The following FAM13B variants were observed in gnomAD, a reference collection of about 807,000 sequenced individuals.
The protein encoded by FAM13B is family with sequence similarity 13 member B, also known as protein FAM13B.
Under a neutral mutation model 117.3 loss-of-function variants are expected in FAM13B, and 60 were observed. The ratio of observed to expected loss-of-function variants is 0.51; its 90% CI spans 0.42 to 0.63. The LOEUF (loss-of-function observed/expected upper bound fraction) is 0.63, where lower values mean the gene tolerates loss of function less well. FAM13B is among the 30% of genes least tolerant of loss of function. FAM13B has a pLI of 0.00. For missense variants in FAM13B, 972 were observed against 1,091.9 expected (o/e 0.89, Z 1.55); for synonymous variants, 332 against 356.1 (o/e 0.93, Z 0.76).
intron 7 of FAM13B, among the ~76,000 whole-genome samples, chr5:137,989,242 C>T (rs1034968762): frequency 6.6e-6 from 1 of 152,172 alleles, no homozygotes; most frequent in Non-Finnish European, 1.5e-5. Context: ...AAATGCAGAA[C>T]AAACGCTATG....
chr5:138,018,286 T>C lies in FAM13B; in HGVS notation c.370+16A>G. 1 of 1,594,042 alleles carries C rather than the reference T, an allele frequency of 6.3e-7. No homozygotes were observed. The highest frequency in any genetic ancestry group is 8.6e-7 in the Non-Finnish European group (1 of 1,162,078). On this transcript the variant is annotated intron_variant, in intron 4 of 23. Transcript: ENST00000689681. Reference sequence around the variant, plus strand: ...TAACAACAAATGACCAATTGATAAGTATCAAATTATGTTACCTTGAGAAAG... The same window carrying C: ...TAACAACAAATGACCAATTGATAAGCATCAAATTATGTTACCTTGAGAAAG...
chr5:138,024,136 GT>G (rs1442859777), intron 1 of FAM13B, among the ~76,000 whole-genome samples: 1 of 151,918 alleles, frequency 6.6e-6, no homozygotes, highest in Non-Finnish European at 1.5e-5. Flanking sequence ...GTTGAATAGT[GT>G]CCCCCCCAAA....
At chr5:138,006,355 C>T (rs74697713) in intron 7 of FAM13B, among the ~76,000 whole-genome samples, 1,977 of 152,248 alleles carry the variant, frequency 0.013, 36 homozygotes, top group Middle Eastern at 0.017. Flanking sequence ...CCTAAAGATA[C>T]ATATGGGGAG....
Position 138,021,105 on chromosome 5 carries a change from G to T in FAM13B, c.-110C>A. ...ACCCTCACTGAGCAAGCATTCTTTT[G>T]TCATTTATGGCTGTTTGAGATTATG... On this transcript the variant is annotated 5_prime_UTR_variant, in exon 2 of 24. Coordinates refer to ENST00000689681, the MANE Select transcript of FAM13B (RefSeq NM_001385994.1). 3 of 1,231,662 alleles carry T rather than the reference G, an allele frequency of 2.4e-6. No homozygotes were observed. Among genetic ancestry groups the T allele is most frequent in the Non-Finnish European group, 3.0e-6 (3 of 987,932 alleles). The allele number at this position is 1,231,662 out of a possible 1,614,324, so 76.3% of individuals were successfully genotyped here. A position where few individuals can be genotyped will look rare whatever the true frequency, so the allele number is the denominator to read the frequency against.
In FAM13B at chr5:138,007,109, C is replaced by G; in HGVS notation, c.729G>C (p.Lys243Asn). The change falls in exon 7 of 24, where the codon AAG (lysine) becomes AAC (asparagine). Residue 243 changes from lysine to asparagine, a missense_variant. Transcript: ENST00000689681. ...ELSEEEEEDE[K>N]LEHIEELPEE... ...CTGGAAGTTCTTCAATATGTTCCAG[C>G]TTTTCATCTTCCTCTTCTTCCTCAG... 6.2e-7 allele frequency: 1 copy of G among 1,612,258 alleles called. No homozygotes were observed. The highest frequency in any genetic ancestry group is 8.5e-7 in the Non-Finnish European group (1 of 1,179,554).
At chr5:137,981,977 C>A (rs898813646) in intron 10 of FAM13B, among the ~76,000 whole-genome samples, 7 of 152,146 alleles carry the variant, frequency 4.6e-5, no homozygotes, top group African/African-American at 1.7e-4. Flanking sequence ...AATAAGCAAT[C>A]CAGATAGGAC....
intron 11 of FAM13B, among the ~76,000 whole-genome samples, chr5:137,961,626 A>T (rs1056782453): frequency 1.3e-5 from 2 of 152,208 alleles, no homozygotes; most frequent in Non-Finnish European, 2.9e-5. Flanking sequence ...TAAAAGAAAC[A>T]ATAGAATACA....
intron 1 of FAM13B, among the ~76,000 whole-genome samples, chr5:138,046,886 C>T (rs904796749): frequency 1.1e-4 from 16 of 152,128 alleles, no homozygotes; most frequent in Middle Eastern, 6.8e-3. Context: ...GCTGGGATTA[C>T]AGGCACCCAC....
chr5:138,048,384 T>C (rs1791700131), intron 1 of FAM13B, among the ~76,000 whole-genome samples: 1 of 152,208 alleles, frequency 6.6e-6, no homozygotes, highest in Non-Finnish European at 1.5e-5. Context: ...TTACTTATAG[T>C]GGAGGGTACA....
intron 1 of FAM13B, among the ~76,000 whole-genome samples, chr5:138,025,314 T>TATATATATA (rs1491130029): frequency 1.3e-5 from 1 of 79,744 alleles, no homozygotes; most frequent in Non-Finnish European, 3.0e-5. Flanking sequence ...TATATATGTA[T>TATATATATA]TTTTTTTTTT....
upstream of FAM13B, among the ~76,000 whole-genome samples, chr5:138,034,995 C>CATTTTTTTTTT: frequency 2.9e-5 from 1 of 34,364 alleles, no homozygotes; most frequent in Non-Finnish European, 4.9e-5. Flanking sequence ...ATTCCCTTGC[C>CATTTTTTTTTT]TTTTTTTTTT....
Position 137,952,608 on chromosome 5 carries a change from C to A in FAM13B, c.1930+20G>T. 1.4e-6 allele frequency: 2 copies of A among 1,478,156 alleles called. No homozygotes were observed. Among genetic ancestry groups the A allele is most frequent in the East Asian group, 2.4e-5 (1 of 42,160 alleles). The allele number at this position is 1,478,156 out of a possible 1,614,324, so 91.6% of individuals were successfully genotyped here. On this transcript the variant is annotated intron_variant, in intron 17 of 23. Coordinates refer to ENST00000689681, the MANE Select transcript of FAM13B (RefSeq NM_001385994.1). ...AAATTTTTAAAATGCAAATATATTA[C>A]AAAATGGCACATAATATACCTTTAA...
intron 10 of FAM13B, among the ~76,000 whole-genome samples, chr5:137,972,690 T>A (rs1258928179): frequency 6.6e-6 from 1 of 151,904 alleles, no homozygotes; most frequent in Non-Finnish European, 1.5e-5. Flanking sequence ...GCAGACGACA[T>A]GATTGTATAT....
At chr5:137,946,570 T>C (rs754280268) in intron 18 of FAM13B, among the ~76,000 whole-genome samples, 15 of 152,206 alleles carry the variant, frequency 9.9e-5, no homozygotes, top group Admixed American at 2.6e-4. Flanking sequence ...AGATTATGAA[T>C]ATGGCTTGGG....
intron 13 of FAM13B, among the ~76,000 whole-genome samples, chr5:137,957,336 G>GT (rs1409168722): frequency 1.6e-4 from 24 of 152,244 alleles, no homozygotes; most frequent in Middle Eastern, 3.4e-3. Context: ...GAGGCCGGGA[G>GT]TTTGAGACCA....
At position 137,946,075 on chromosome 5, in the gene FAM13B, C is replaced by T. The variant is rs373582194; in HGVS notation, c.2245-78G>A. Reference sequence around the variant, plus strand: ...AAAACATTAAACAATGACTTATTCGCCCAATTTCAAATTTTATATTAAATA... The same window carrying T: ...AAAACATTAAACAATGACTTATTCGTCCAATTTCAAATTTTATATTAAATA... On this transcript the variant is annotated intron_variant, in intron 19 of 23. Coordinates refer to ENST00000689681, the MANE Select transcript of FAM13B (RefSeq NM_001385994.1). The T allele has an allele frequency of 1.4e-5, 19 of 1,354,630 alleles. No individual in the cohort carries two copies. The African/African-American group carries it at 2.2e-4, about 16-fold the overall frequency. 83.9% of individuals were successfully genotyped at this position (1,354,630 alleles called of 1,614,324 possible). A position where few individuals can be genotyped will look rare whatever the true frequency, so the allele number is the denominator to read the frequency against.
upstream of FAM13B, chr5:138,037,371 G>C (rs1413650153): frequency 6.6e-6 from 1 of 151,416 alleles, no homozygotes; most frequent in African/African-American, 2.4e-5. Context: ...GTAAGGTCAT[G>C]AGTCACATCA....
intron 4 of FAM13B, among the ~76,000 whole-genome samples, chr5:138,013,501 CAA>C (rs376873284): frequency 5.1e-5 from 7 of 137,526 alleles, no homozygotes; most frequent in Non-Finnish European, 4.6e-5. Flanking sequence ...ACTCCATCTC[CAA>C]AAAAAAAAAA....
At chr5:137,985,656 C>T (rs1215366970) in intron 9 of FAM13B, among the ~76,000 whole-genome samples, 1 of 152,020 alleles carries the variant, frequency 6.6e-6, no homozygotes, top group Non-Finnish European at 1.5e-5. Context: ...AATTTATGGG[C>T]CGAAATAATC....
Sources: gnomAD v4.1 joint callset for allele counts (sites outside exome capture counted in the v4.1 genomes callset) on GRCh38, gnomAD v4.1.1 for gene constraint, MANE v1.5 for transcripts, NCBI Gene and HGNC (gene_info 2026-07-23, HGNC 2026-07-21) for gene names.